Variants in LETM1 observed in about 807,000 individuals in gnomAD.
LETM1 encodes the protein mitochondrial proton/calcium exchanger protein.
A neutral mutation model predicts 74.5 loss-of-function variants in LETM1; 50 were observed. That is an observed-to-expected ratio of 0.67 (90% CI 0.53 to 0.85). The LOEUF is 0.85. LETM1 is among the 40% of genes least tolerant of loss of function. The pLI is 0.00. For synonymous variants in LETM1, 446 were observed against 407.1 expected, an observed-to-expected ratio of 1.10 and a Z score of -1.15; for missense variants, 824 against 967.8, an observed-to-expected ratio of 0.85 and a Z score of 1.97.
At chr4:1,849,015 G>C (rs1216192683) in intron 2 of LETM1, 134 bp downstream of exon 2, 2 of 672,360 alleles carry the variant, frequency 3.0e-6, no homozygotes, top group Non-Finnish European at 5.5e-6. Flanking sequence ...GAAAGATAAA[G>C]GTTTAAAAGA....
chr4:1,856,110 C>A lies in LETM1; in HGVS notation c.-160G>T, dbSNP rs1046081783. The A allele has an allele frequency of 1.6e-5, 6 of 373,550 alleles. No homozygotes were observed. Among genetic ancestry groups the A allele is most frequent in the Non-Finnish European group, 1.8e-5 (4 of 220,188 alleles). The allele number at this position is 373,550 out of a possible 1,614,324, so 23.1% of individuals were successfully genotyped here. On this transcript the variant is annotated 5_prime_UTR_variant, in exon 1 of 14. Coordinates refer to ENST00000302787, the MANE Select transcript of LETM1 (RefSeq NM_012318.3). ...GGAGGCGCTCTCCTCAAGGACCCGG[C>A]ACCAGCGGCGGCCTTGTCCCGGCAC...
At position 1,816,726 on chromosome 4, in the gene LETM1, C is replaced by T. The variant is rs763180183; in HGVS notation, c.1931+1G>A. 6.2e-7 allele frequency: 1 copy of T among 1,613,790 alleles called. No individual in the cohort carries two copies. Among genetic ancestry groups the T allele is most frequent in the South Asian group, 1.1e-5 (1 of 91,070 alleles). On this transcript the variant is annotated splice_donor_variant, in intron 12 of 13. Coordinates refer to ENST00000302787, the MANE Select transcript of LETM1 (RefSeq NM_012318.3). LOFTEE classifies it high-confidence loss of function. The stretch of plus-strand genomic sequence containing the variant: ...TCTCCCGCGCCCACCACCCCACTCA[C>T]CCCGTGGGCATGCCGTTGGCCGGGG...
chr4:1,815,407 C>T (rs1030055250), intron 13 of LETM1, among the ~76,000 whole-genome samples: 2 of 152,316 alleles, frequency 1.3e-5, no homozygotes, highest in South Asian at 2.1e-4. Flanking sequence ...CAGCTGGGGG[C>T]GGGGTCCAGG....
At chr4:1,854,531 C>T (rs575610386) in intron 1 of LETM1, among the ~76,000 whole-genome samples, 2 of 151,038 alleles carry the variant, frequency 1.3e-5, no homozygotes, top group African/African-American at 2.4e-5. Context: ...CGGTGGCTCA[C>T]GCCTGTAATC....
At chr4:1,833,515 T>A (rs1283419279) in intron 5 of LETM1, 2 of 163,638 alleles carry the variant, frequency 1.2e-5, no homozygotes, top group Admixed American at 1.1e-4. Context: ...GGGACCCTGC[T>A]GCTCTGGGGC....
chr4:1,842,697 G>C (rs189992591), intron 2 of LETM1, among the ~76,000 whole-genome samples: 1 of 152,156 alleles, frequency 6.6e-6, no homozygotes, highest in Non-Finnish European at 1.5e-5. Flanking sequence ...GACCCATCTC[G>C]GTCCACGCTG....
chr4:1,815,852 AG>A (rs1187608386), intron 12 of LETM1, 50 bp from the exon 13 acceptor site: 1 of 1,602,968 alleles, frequency 6.2e-7, no homozygotes. Context: ...CCTGCCACAC[AG>A]GGCCTCACTG....
At chr4:1,837,850 G>T (rs1329013401) in intron 3 of LETM1, among the ~76,000 whole-genome samples, 1 of 151,460 alleles carries the variant, frequency 6.6e-6, no homozygotes, top group Non-Finnish European at 1.5e-5. Context: ...TTACAGACAT[G>T]CGCCACCACG....
chr4:1,828,531 G>A (rs1186758656), intron 6 of LETM1, among the ~76,000 whole-genome samples: 1 of 97,256 alleles, frequency 1.0e-5, no homozygotes, highest in African/African-American at 4.3e-5. Flanking sequence ...CCTCCCTCCC[G>A]GACGGGGCGG....
intron 2 of LETM1, chr4:1,843,006 CT>C: frequency 2.8e-6 from 1 of 361,932 alleles, no homozygotes; most frequent in Non-Finnish European, 5.6e-6. Context: ...CCGAGCTCAC[CT>C]AAAAGGCCAT....
Position 1,832,905 on chromosome 4 carries a change from G to T in LETM1, c.919C>A (p.Arg307Ser), listed in dbSNP as rs144099418. The T allele has an allele frequency of 1.9e-6, 3 of 1,612,882 alleles. No individual in the cohort carries two copies. Among genetic ancestry groups the T allele is most frequent in the Non-Finnish European group, 1.7e-6 (2 of 1,180,012 alleles). The change falls in exon 6 of 14, where the codon CGT becomes AGT. Residue 307 changes from arginine to serine, a missense_variant. This residue lies in a region of LETM1 where 269 missense variants were observed against 348.8 expected (regional missense o/e 0.77). Coordinates refer to ENST00000302787, the MANE Select transcript of LETM1 (RefSeq NM_012318.3). Reference protein sequence around the residue: ...GERPSNEEIMRFSKLFEDELT... With the variant: ...GERPSNEEIMSFSKLFEDELT... ...TCATCCTCAAATAATTTGGAAAAAC[G>T]CATGATTTCCTCATTGCTGGGCCTC...
At chr4:1,837,504 C>T (rs919429855) in intron 3 of LETM1, among the ~76,000 whole-genome samples, 4 of 152,084 alleles carry the variant, frequency 2.6e-5, no homozygotes, top group Non-Finnish European at 4.4e-5. Context: ...GTCTTTATTC[C>T]CAAACGGTGC....
chr4:1,841,311 A>C, intron 3 of LETM1, 36 bp downstream of exon 3: 2 of 1,577,848 alleles, frequency 1.3e-6, no homozygotes, highest in Non-Finnish European at 1.7e-6. Flanking sequence ...TGATAGAGCA[A>C]GAAAGAAAAG....
intron 11 of LETM1, 80 bp from the exon 12 acceptor site, chr4:1,816,994 C>T: frequency 1.6e-6 from 2 of 1,238,790 alleles, no homozygotes; most frequent in Non-Finnish European, 1.2e-6. Context: ...GCCTGTAATC[C>T]CAGTACTTTG....
In LETM1 at chr4:1,834,590, C is replaced by T; in HGVS notation, c.876+255G>A. 1 of 1,306,846 alleles carries T rather than the reference C, an allele frequency of 7.7e-7. No homozygotes were observed. The highest frequency in any genetic ancestry group is 9.8e-7 in the Non-Finnish European group (1 of 1,023,348). 81.0% of individuals were successfully genotyped at this position (1,306,846 alleles called of 1,614,324 possible). A position where few individuals can be genotyped will look rare whatever the true frequency, so the allele number is the denominator to read the frequency against. ...GTCAGATTCTACTGCTCCTGGACAG[C>T]TGCAGGGTGATGAGACACAGACGCC... On this transcript the variant is annotated intron_variant, in intron 5 of 13. Coordinates refer to ENST00000302787, the MANE Select transcript of LETM1 (RefSeq NM_012318.3). The surrounding 1 kb of genome is among the most constrained non-coding windows in gnomAD (Gnocchi z 5.0).
chr4:1,822,852 CT>C, intron 9 of LETM1, 135 bp downstream of exon 9: 1 of 940,874 alleles, frequency 1.1e-6, no homozygotes, highest in Middle Eastern at 3.6e-4. Context: ...TCCCTGACCA[CT>C]CCAGGAGGAA....
At position 1,826,029 on chromosome 4, in the gene LETM1, G is replaced by A. The variant is rs562594041; in HGVS notation, c.1081-346C>T. The stretch of plus-strand genomic sequence containing the variant: ...AAAGTGTGCCCAGGATGGAAAAGAA[G>A]GAGGGATGGAAGGCGAGGGAACCAG... On this transcript the variant is annotated intron_variant, in intron 6 of 13. Coordinates refer to ENST00000302787, the MANE Select transcript of LETM1 (RefSeq NM_012318.3). Among the ~76,000 whole-genome samples the A allele has an allele frequency of 2.0e-5, 3 of 152,312 alleles. No individual in the cohort carries two copies. In the South Asian group the frequency reaches 6.2e-4, roughly 32 times the overall value.
rs1712454236 is a variant in LETM1 at position 1,836,098 on chromosome 4, C to T, written c.738+331G>A. 6.6e-6 allele frequency among the ~76,000 whole-genome samples: 1 copy of T among 150,634 alleles called. No individual in the cohort carries two copies. The highest frequency in any genetic ancestry group is 2.4e-5 in the African/African-American group (1 of 40,932). On this transcript the variant is annotated intron_variant, in intron 4 of 13. Coordinates refer to ENST00000302787, the MANE Select transcript of LETM1 (RefSeq NM_012318.3). The surrounding 1 kb of genome is among the most constrained non-coding windows in gnomAD (Gnocchi z 5.8). ...ATGGTGGCACACATGCCTATAATCC[C>T]AGCTACTTGGGAGGCTGAGGCAGGA...
At position 1,812,810 on chromosome 4, in the gene LETM1, G is replaced by A. The variant is rs1223869111; in HGVS notation, c.*1614C>T. On this transcript the variant is annotated 3_prime_UTR_variant, in exon 14 of 14. Coordinates refer to ENST00000302787, the MANE Select transcript of LETM1 (RefSeq NM_012318.3). Reference sequence around the variant, plus strand: ...GGGCAAGCTGGCTTTTGGAGGCCATGCGGAGTCCAGGGCAGAGGGGACAGT... The same window carrying A: ...GGGCAAGCTGGCTTTTGGAGGCCATACGGAGTCCAGGGCAGAGGGGACAGT... The A allele has an allele frequency of 6.6e-6, 1 of 152,452 alleles. No homozygotes were observed. The highest frequency in any genetic ancestry group is 1.5e-5 in the Non-Finnish European group (1 of 68,162). 9.4% of individuals were successfully genotyped at this position (152,452 alleles called of 1,614,324 possible).
Sources: gnomAD v4.1 joint callset for allele counts (sites outside exome capture counted in the v4.1 genomes callset) on GRCh38, gnomAD v4.1.1 for gene constraint, gnomAD v4.1.1 regional missense constraint, Gnocchi (gnomAD v3.1) non-coding constraint, MANE v1.5 for transcripts, NCBI Gene and HGNC (gene_info 2026-07-23, HGNC 2026-07-21) for gene names.